Variants in CWH43 observed in about 807,000 individuals in gnomAD.
The protein encoded by CWH43 is PGAP2-interacting protein.
CWH43 carries 91 observed loss-of-function variants against 85.7 expected under a neutral mutation model. That is an observed-to-expected ratio of 1.06 (90% CI 0.90 to 1.26). CWH43 has a LOEUF of 1.26. Among genes scored for constraint, CWH43 ranks in the 50% most tolerant of loss-of-function variants. CWH43 has a pLI of 0.00. For missense variants in CWH43, 869 were observed against 839.2 expected (o/e 1.04, Z -0.44); for synonymous variants, 323 against 293.6 (o/e 1.10, Z -1.02).
chr4:48,986,502 C>T (rs770739636), intron 1 of CWH43, 30 bp downstream of exon 1: 1 of 1,550,816 alleles, frequency 6.4e-7, no homozygotes. Context: ...CGCGAGTTCG[C>T]GGGTGCCAGC....
At chr4:48,999,781 A>G (rs1309854250) in intron 6 of CWH43, among the ~76,000 whole-genome samples, 2 of 152,038 alleles carry the variant, frequency 1.3e-5, no homozygotes, top group Non-Finnish European at 2.9e-5. Flanking sequence ...TCTCCTTTAC[A>G]TGTAACAGGG....
chr4:49,049,413 T>A (rs535330340), intron 14 of CWH43, among the ~76,000 whole-genome samples: 2 of 152,210 alleles, frequency 1.3e-5, no homozygotes, highest in South Asian at 4.2e-4. Flanking sequence ...TGCAGTGGCC[T>A]CATAACTTGT....
chr4:49,032,023 C>T (rs1432629300), intron 11 of CWH43, among the ~76,000 whole-genome samples: 5 of 152,110 alleles, frequency 3.3e-5, no homozygotes, highest in Non-Finnish European at 5.9e-5. Context: ...CAGCTATCAT[C>T]GTATAGAGAT....
At chr4:49,010,512 T>C (rs1783323017) in intron 8 of CWH43, among the ~76,000 whole-genome samples, 1 of 152,232 alleles carries the variant, frequency 6.6e-6, no homozygotes, top group African/African-American at 2.4e-5. Flanking sequence ...TCTTGCCTTC[T>C]GCTAGCTTTT....
At chr4:48,999,438 C>T (rs567866761) in intron 6 of CWH43, among the ~76,000 whole-genome samples, 6 of 152,272 alleles carry the variant, frequency 3.9e-5, no homozygotes, top group African/African-American at 1.4e-4. Flanking sequence ...GGGTACATAC[C>T]CAGTAATGGG....
chr4:49,057,231 G>C (rs1030724631), intron 15 of CWH43, among the ~76,000 whole-genome samples: 1 of 152,148 alleles, frequency 6.6e-6, no homozygotes, highest in East Asian at 1.9e-4. Context: ...AGTACAGCTT[G>C]GTTTTATATA....
intron 13 of CWH43, among the ~76,000 whole-genome samples, chr4:49,042,192 G>A (rs1392056460): frequency 1.3e-5 from 2 of 152,180 alleles, no homozygotes; most frequent in African/African-American, 2.4e-5. Flanking sequence ...CAGTAGATGA[G>A]TCACAGGTGG....
intron 13 of CWH43, among the ~76,000 whole-genome samples, chr4:49,040,964 T>A (rs1299402266): frequency 1.3e-5 from 2 of 152,276 alleles, no homozygotes; most frequent in East Asian, 3.9e-4. Flanking sequence ...CTGCATATGG[T>A]TAGCCAGTTT....
chr4:49,055,910 TTTC>T (rs1213408028), intron 15 of CWH43, among the ~76,000 whole-genome samples: 1 of 92,022 alleles, frequency 1.1e-5, no homozygotes, highest in East Asian at 2.3e-4. Context: ...TTTTTCTTTT[TTTC>T]TTTTTTTTTT....
At chr4:49,026,621 G>A (rs1783926197) in intron 9 of CWH43, among the ~76,000 whole-genome samples, 2 of 142,452 alleles carry the variant, frequency 1.4e-5, no homozygotes, top group Non-Finnish European at 3.0e-5. Context: ...CCACTTACAA[G>A]TAAGAACATA....
At chr4:49,002,600 A>C (rs1288489561) in intron 6 of CWH43, among the ~76,000 whole-genome samples, 2 of 152,206 alleles carry the variant, frequency 1.3e-5, no homozygotes, top group Non-Finnish European at 2.9e-5. Context: ...TTCTAAAGCA[A>C]ATAGGCATTA....
intron 13 of CWH43, among the ~76,000 whole-genome samples, chr4:49,040,481 T>A (rs1045987655): frequency 3.9e-5 from 6 of 152,222 alleles, no homozygotes; most frequent in African/African-American, 1.4e-4. Flanking sequence ...TTGATTTGCA[T>A]TTCTCTGATG....
chr4:49,043,820 C>T (rs531849593), intron 13 of CWH43, among the ~76,000 whole-genome samples: 1 of 151,788 alleles, frequency 6.6e-6, no homozygotes, highest in African/African-American at 2.4e-5. Context: ...TCTTTATTTC[C>T]TTCATCAACA....
intron 12 of CWH43, among the ~76,000 whole-genome samples, chr4:49,034,351 T>C (rs1784197416): frequency 6.6e-6 from 1 of 152,214 alleles, no homozygotes; most frequent in South Asian, 2.1e-4. Flanking sequence ...GTTTAACTCC[T>C]TCCCTTTTTT....
At chr4:49,059,408 G>A (rs572978192) in intron 15 of CWH43, among the ~76,000 whole-genome samples, 1 of 152,020 alleles carries the variant, frequency 6.6e-6, no homozygotes, top group Non-Finnish European at 1.5e-5. Flanking sequence ...AGCTCACTTA[G>A]CTTCAAGATG....
At chr4:49,059,959 G>A (rs1451552275) in intron 15 of CWH43, among the ~76,000 whole-genome samples, 1 of 152,110 alleles carries the variant, frequency 6.6e-6, no homozygotes, top group Non-Finnish European at 1.5e-5. Context: ...ATGGAGCCTA[G>A]GCCTCCTATG....
In CWH43 at chr4:48,991,563, T is replaced by C. The variant is rs774404278; in HGVS notation, c.345T>C (p.Ser115=). 2 of 1,613,908 alleles carry C rather than the reference T, an allele frequency of 1.2e-6. No individual in the cohort carries two copies. The highest frequency in any genetic ancestry group is 1.7e-5 in the Admixed American group (1 of 59,964). Residue 115 remains serine (S), a synonymous_variant, in exon 3 of 16, where the codon AGT becomes AGC. Coordinates refer to ENST00000226432, the MANE Select transcript of CWH43 (RefSeq NM_025087.3). Reference sequence around the variant, plus strand: ...AAGCTGTGACTTGGTGGTCAGGAAGTCATTTGCAAAGGTATGGTTAATGTT... The same window carrying C: ...AAGCTGTGACTTGGTGGTCAGGAAGCCATTTGCAAAGGTATGGTTAATGTT... ...IVQAVTWWSG[S]HLQRYLRIWG... is the part of the protein sequence containing the mutation.
At chr4:48,997,210 C>G (rs1782842640) in intron 5 of CWH43, among the ~76,000 whole-genome samples, 1 of 146,460 alleles carries the variant, frequency 6.8e-6, no homozygotes, top group African/African-American at 2.5e-5. Context: ...GACACTACAC[C>G]TGGCTAACTT....
chr4:49,054,304 A>T (rs1451994858), intron 15 of CWH43, among the ~76,000 whole-genome samples: 1 of 152,170 alleles, frequency 6.6e-6, no homozygotes, highest in Non-Finnish European at 1.5e-5. Flanking sequence ...TTTGTCAAAG[A>T]TCAATTGACT....
Sources: allele counts gnomAD v4.1 joint callset (sites outside exome capture counted in the v4.1 genomes callset), GRCh38; gene constraint gnomAD v4.1.1; transcripts MANE v1.5; gene names NCBI Gene and HGNC (gene_info 2026-07-23, HGNC 2026-07-21).